The following PPP2R1B variants were observed in gnomAD, a reference collection of about 807,000 sequenced individuals.
The protein encoded by PPP2R1B is protein phosphatase 2 scaffold subunit Abeta.
PPP2R1B carries 58 observed loss-of-function variants against 72.7 expected under a neutral mutation model. The observed-to-expected ratio is 0.80, with a 90% CI of 0.65 to 0.99. The LOEUF is 0.99. Among genes scored for constraint, PPP2R1B ranks in the 50% least tolerant of loss-of-function variants. The pLI, the probability that PPP2R1B is intolerant of heterozygous loss-of-function variation, is 0.00. For missense variants in PPP2R1B, 695 were observed against 733.6 expected, an observed-to-expected ratio of 0.95 and a Z score of 0.61; for synonymous variants, 256 against 264.6, an observed-to-expected ratio of 0.97 and a Z score of 0.32.
chr11:111,739,498 C>CA lies in PPP2R1B; in HGVS notation c.*2097dup. ...ACCCCTGAGGGGTCACCACAAAAGA[C>CA]AGAGGCCCCGCTGAACCCCCGACCC... On this transcript the variant is annotated 3_prime_UTR_variant, in exon 15 of 15. Coordinates refer to ENST00000527614, the MANE Select transcript of PPP2R1B (RefSeq NM_002716.5). 14 of 985,454 alleles carry CA rather than the reference C, an allele frequency of 1.4e-5. No individual in the cohort carries two copies. Among genetic ancestry groups the CA allele is most frequent in the Non-Finnish European group, 1.7e-5 (14 of 829,974 alleles). 61.0% of individuals were successfully genotyped at this position (985,454 alleles called of 1,614,324 possible).
the PPP2R1B span, among the ~76,000 whole-genome samples, chr11:111,696,840 T>C: frequency 6.6e-6 from 1 of 152,246 alleles, no homozygotes; most frequent in Non-Finnish European, 1.5e-5. Context: ...TCCATTTCAT[T>C]TGAATAAATG....
chr11:111,725,159 G>A (rs1041159993), downstream of PPP2R1B: 3 of 152,662 alleles, frequency 2.0e-5, no homozygotes, highest in Non-Finnish European at 4.4e-5. Context: ...ATGTGAAGTG[G>A]TAGTGCGGTG....
chr11:111,728,459 G>C (rs1019421850), intron 15 of PPP2R1B: 2 of 151,972 alleles, frequency 1.3e-5, no homozygotes, highest in African/African-American at 4.8e-5. Context: ...CAGCTAGTTT[G>C]TATATTTTTA....
downstream of PPP2R1B, chr11:111,737,398 T>C (rs1041929120): frequency 1.2e-6 from 2 of 1,613,372 alleles, no homozygotes; most frequent in Non-Finnish European, 8.5e-7. Flanking sequence ...CCACCCTGGC[T>C]GCCCGCAGCC....
At chr11:111,688,947 T>C in the PPP2R1B span, among the ~76,000 whole-genome samples, 2 of 152,168 alleles carry the variant, frequency 1.3e-5, no homozygotes, top group African/African-American at 4.8e-5. The surrounding 1 kb of genome is among the most constrained non-coding windows in gnomAD (Gnocchi z 4.2). Context: ...TAAAAGTATA[T>C]ACAAACTGCA....
intron 5 of PPP2R1B, among the ~76,000 whole-genome samples, chr11:111,758,525 G>A (rs1332838371): frequency 2.6e-5 from 4 of 152,110 alleles, no homozygotes; most frequent in African/African-American, 9.7e-5. Context: ...GGGAGGCAGA[G>A]GTTGCAGAAA....
chr11:111,725,156 G>C (rs1943927545), downstream of PPP2R1B: 2 of 152,690 alleles, frequency 1.3e-5, no homozygotes, highest in African/African-American at 4.8e-5. Flanking sequence ...CCCATGTGAA[G>C]TGGTAGTGCG....
At chr11:111,758,322 T>C (rs188905947) in intron 5 of PPP2R1B, among the ~76,000 whole-genome samples, 437 of 152,344 alleles carry the variant, frequency 2.9e-3, no homozygotes, top group Non-Finnish European at 4.4e-3. Flanking sequence ...CCGGGCACGG[T>C]GGCTCACGCC....
chr11:111,759,747 G>A (rs1237462171), intron 5 of PPP2R1B, 57 bp downstream of exon 5: 2 of 1,495,264 alleles, frequency 1.3e-6, no homozygotes, highest in African/African-American at 2.8e-5. Context: ...AAGAAATTCT[G>A]AAAATTTAGA....
At chr11:111,707,549 T>C in the PPP2R1B span, among the ~76,000 whole-genome samples, 1 of 152,200 alleles carries the variant, frequency 6.6e-6, no homozygotes, top group East Asian at 1.9e-4. Context: ...CTCATTCACA[T>C]GCTTGCCTGA....
the PPP2R1B span, among the ~76,000 whole-genome samples, chr11:111,698,276 G>C: frequency 6.6e-6 from 1 of 152,208 alleles, no homozygotes; most frequent in Non-Finnish European, 1.5e-5. Flanking sequence ...CCAGAGAAGT[G>C]TTCCCAGCTC....
chr11:111,724,449 A>G, downstream of PPP2R1B: 1 of 343,742 alleles, frequency 2.9e-6, no homozygotes, highest in Non-Finnish European at 5.4e-6. Flanking sequence ...GGTGTTATGC[A>G]GGATTACATC....
intron 11 of PPP2R1B, among the ~76,000 whole-genome samples, chr11:111,746,086 C>T (rs1281490478): frequency 1.3e-5 from 2 of 152,142 alleles, no homozygotes; most frequent in African/African-American, 4.8e-5. Flanking sequence ...ATAGAGAAGA[C>T]AATCTTACAG....
chr11:111,693,076 G>A, the PPP2R1B span, among the ~76,000 whole-genome samples: 1 of 152,130 alleles, frequency 6.6e-6, no homozygotes, highest in Non-Finnish European at 1.5e-5. Flanking sequence ...GCTCACGCCT[G>A]TAATCCCAGC....
At chr11:111,691,031 C>G in the PPP2R1B span, among the ~76,000 whole-genome samples, 1 of 152,094 alleles carries the variant, frequency 6.6e-6, no homozygotes, top group Non-Finnish European at 1.5e-5. Flanking sequence ...AAGAAAATGT[C>G]AAAGTAAGAC....
At chr11:111,702,821 T>C in the PPP2R1B span, among the ~76,000 whole-genome samples, 3 of 152,216 alleles carry the variant, frequency 2.0e-5, no homozygotes, top group Non-Finnish European at 4.4e-5. Context: ...TTGCCTCGCT[T>C]ACGTAGCCTT....
In PPP2R1B at chr11:111,755,093, A is replaced by G; in HGVS notation, c.845T>C (p.Leu282Pro). 1 of 1,603,440 alleles carries G rather than the reference A, an allele frequency of 6.2e-7. No homozygotes were observed. ...GATTTTAGGACCCATGGCTTTCTGG[A>G]GCTATAAAAGAATTTGAACGGGTTT... ...RYMVADRFSE[L>P]QKAMGPKITL... is the part of the protein sequence containing the mutation. The change falls in exon 7 of 15, where the codon CTC (leucine) becomes CCC (proline). Residue 282 changes from leucine to proline, a missense_variant and splice_region_variant. Leu to Pro is a moderately conservative substitution (Grantham distance 98). Transcript: ENST00000527614.
At chr11:111,752,099 C>A in intron 10 of PPP2R1B, 60 bp downstream of exon 10, 1 of 1,497,544 alleles carries the variant, frequency 6.7e-7, no homozygotes, top group Non-Finnish European at 8.9e-7. Flanking sequence ...CTCCTACTTG[C>A]CATGGTAAAT....
chr11:111,739,779 A>C lies in PPP2R1B; in HGVS notation c.*1817T>G, dbSNP rs2136036311. ...CAAAAAATAAAGACTCATGAAACTAAAATTAAAATGTTTACAGAATAATAG... is the reference window on the plus strand; with the variant it reads ...CAAAAAATAAAGACTCATGAAACTACAATTAAAATGTTTACAGAATAATAG... On this transcript the variant is annotated 3_prime_UTR_variant, in exon 15 of 15. Transcript: ENST00000527614. The C allele has an allele frequency of 2.1e-6, 2 of 971,048 alleles. No homozygotes were observed. The highest frequency in any genetic ancestry group is 2.4e-6 in the Non-Finnish European group (2 of 816,878). The allele number at this position is 971,048 out of a possible 1,614,324, so 60.2% of individuals were successfully genotyped here.
Sources: gnomAD v4.1 joint callset for allele counts (sites outside exome capture counted in the v4.1 genomes callset) on GRCh38, gnomAD v4.1.1 for gene constraint, Gnocchi (gnomAD v3.1) non-coding constraint, MANE v1.5 for transcripts, NCBI Gene and HGNC (gene_info 2026-07-23, HGNC 2026-07-21) for gene names.